MBD3: variants seen among roughly 807,000 people sequenced by gnomAD.
MBD3 encodes methyl-CpG binding domain protein 3.
MBD3 carries 13 observed loss-of-function variants against 31.2 expected under a neutral mutation model. The observed-to-expected ratio is 0.42, with a 90% confidence interval of 0.27 to 0.66. The LOEUF (loss-of-function observed/expected upper bound fraction) is 0.66. MBD3 is among the 30% of genes least tolerant of loss of function. The pLI is 0.26. For missense variants in MBD3, 440 were observed against 426.5 expected, an observed-to-expected ratio of 1.03 and a Z score of -0.28; for synonymous variants, 223 against 187.4, an observed-to-expected ratio of 1.19 and a Z score of -1.55.
Position 1,575,289 on chromosome 19 carries a change from G to A in MBD3, c.*2875C>T. ...TATTAAAAATACAAAAATTAGCTGG[G>A]CGTGGTGGCTACTCGGGAGGCTGAG... On this transcript the variant is annotated 3_prime_UTR_variant, in exon 7 of 7. Coordinates refer to ENST00000434436, the MANE Select transcript of MBD3 (RefSeq NM_001281453.2). 2.3e-6 allele frequency: 1 copy of A among 441,798 alleles called. No individual in the cohort carries two copies. The highest frequency in any genetic ancestry group is 4.6e-6 in the Non-Finnish European group (1 of 216,374). 27.4% of individuals were successfully genotyped at this position (441,798 alleles called of 1,614,324 possible). A position where few individuals can be genotyped will look rare whatever the true frequency, so the allele number is the denominator to read the frequency against.
chr19:1,588,998 G>C (rs1384131563), intron 1 of MBD3, among the ~76,000 whole-genome samples: 1 of 152,050 alleles, frequency 6.6e-6, no homozygotes, highest in African/African-American at 2.4e-5. Flanking sequence ...CACTTTAAAT[G>C]ACTGTATTGT....
intron 1 of MBD3, among the ~76,000 whole-genome samples, chr19:1,586,546 T>C (rs1303768454): frequency 6.6e-6 from 1 of 152,214 alleles, no homozygotes; most frequent in African/African-American, 2.4e-5. Context: ...GGTCTCACTC[T>C]TGCCCAGGCT....
In MBD3 at chr19:1,585,403, C is replaced by A; in HGVS notation, c.111-189G>T. 3.2e-6 allele frequency: 2 copies of A among 616,270 alleles called. No individual in the cohort carries two copies. Among genetic ancestry groups the A allele is most frequent in the South Asian group, 1.9e-5 (1 of 51,558 alleles). The allele number at this position is 616,270 out of a possible 1,614,324, so 38.2% of individuals were successfully genotyped here. A position where few individuals can be genotyped will look rare whatever the true frequency, so the allele number is the denominator to read the frequency against. ...GCCCCAGACCCCAACCCTGGCGTGA[C>A]CCCAGACCTTCATCCCAGACCCCAG... On this transcript the variant is annotated intron_variant, in intron 1 of 6. Coordinates refer to ENST00000434436, the MANE Select transcript of MBD3 (RefSeq NM_001281453.2). This position sits in a 1 kb window ranked among gnomAD's most constrained non-coding sequence, Gnocchi z 4.1.
At chr19:1,580,649 C>T (rs1264958604) in intron 5 of MBD3, among the ~76,000 whole-genome samples, 1 of 152,252 alleles carries the variant, frequency 6.6e-6, no homozygotes, top group Non-Finnish European at 1.5e-5. Flanking sequence ...CTGGGCTGCT[C>T]AGCCTCACCT....
rs546089765 is a variant in MBD3, at chr19:1,574,660, T to A, written c.*3504A>T. The A allele has an allele frequency of 3.3e-5, 5 of 153,168 alleles. No individual in the cohort carries two copies. The East Asian group carries it at 9.7e-4, about 30-fold the overall frequency. The allele number at this position is 153,168 out of a possible 1,614,324, so 9.5% of individuals were successfully genotyped here. A position where few individuals can be genotyped will look rare whatever the true frequency, so the allele number is the denominator to read the frequency against. On this transcript the variant is annotated 3_prime_UTR_variant, in exon 7 of 7. Coordinates refer to ENST00000434436, the MANE Select transcript of MBD3 (RefSeq NM_001281453.2). ...TGAATCTGGAGCGAGTGTGACAGAA[T>A]CTCACAGGCAGTGCCCAGCCACCCG...
At chr19:1,591,370 C>T (rs899778396) in intron 1 of MBD3, among the ~76,000 whole-genome samples, 4 of 152,216 alleles carry the variant, frequency 2.6e-5, no homozygotes, top group African/African-American at 9.6e-5. Flanking sequence ...CCATCCTTTC[C>T]CCGCTCACTT....
chr19:1,585,195 G>A lies in MBD3; in HGVS notation c.130C>T (p.Arg44Cys), dbSNP rs1346745423. Residue 44 changes from arginine (R) to cysteine (C), a missense_variant, in exon 2 of 7, where the codon CGC becomes TGC. Physicochemically the swap from Arg to Cys is radical, Grantham distance 180. Coordinates refer to ENST00000434436, the MANE Select transcript of MBD3 (RefSeq NM_001281453.2). The surrounding 1 kb of genome is among the most constrained non-coding windows in gnomAD (Gnocchi z 4.1). ...FYYSPSGKKF[R>C]SKPQLARYLG... ...TAGCGCGCCAGCTGCGGCTTGCTGC[G>A]GAACTTCTTCCCGCTCGGGCTGCGG... 1.2e-6 allele frequency: 2 copies of A among 1,602,670 alleles called. No individual in the cohort carries two copies. The highest frequency in any genetic ancestry group is 1.7e-6 in the Non-Finnish European group (2 of 1,178,352).
chr19:1,585,224 G>A lies in MBD3; in HGVS notation c.111-10C>T. The A allele has an allele frequency of 6.3e-7, 1 of 1,582,268 alleles. No individual in the cohort carries two copies. Among genetic ancestry groups the A allele is most frequent in the East Asian group, 2.3e-5 (1 of 43,702 alleles). ...CTTCTTCCCGCTCGGGCTGCGGGGAGGCGGGACGGTCGGCGCCCCGGGCGG... is the reference window on the plus strand; with the variant it reads ...CTTCTTCCCGCTCGGGCTGCGGGGAAGCGGGACGGTCGGCGCCCCGGGCGG... On this transcript the variant is annotated splice_polypyrimidine_tract_variant and intron_variant, in intron 1 of 6. Transcript: ENST00000434436. This position sits in a 1 kb window ranked among gnomAD's most constrained non-coding sequence, Gnocchi z 4.1.
chr19:1,584,076 C>T (rs1362354726), intron 3 of MBD3, among the ~76,000 whole-genome samples: 1 of 152,128 alleles, frequency 6.6e-6, no homozygotes, highest in African/African-American at 2.4e-5. Context: ...CCACCTGCCT[C>T]GGCCTCCCAA....
chr19:1,591,592 C>T (rs2060703896), intron 1 of MBD3, among the ~76,000 whole-genome samples: 1 of 152,202 alleles, frequency 6.6e-6, no homozygotes, highest in South Asian at 2.1e-4. Flanking sequence ...GGCAGGCGTC[C>T]TCCGCTTTCC....
In MBD3 at chr19:1,576,923, T is replaced by A. The variant is rs980047727; in HGVS notation, c.*1241A>T. The stretch of plus-strand genomic sequence containing the variant: ...GGAAGCTGCCAGCCCACTGCCTCCA[T>A]GCGGGTCCTTGGAGGGCAGACGGTG... On this transcript the variant is annotated 3_prime_UTR_variant, in exon 7 of 7. Coordinates refer to ENST00000434436, the MANE Select transcript of MBD3 (RefSeq NM_001281453.2). 4.6e-5 allele frequency: 7 copies of A among 152,444 alleles called. No homozygotes were observed. The highest frequency in any genetic ancestry group is 1.0e-4 in the Non-Finnish European group (7 of 68,108). 9.4% of individuals were successfully genotyped at this position (152,444 alleles called of 1,614,324 possible). A position where few individuals can be genotyped will look rare whatever the true frequency, so the allele number is the denominator to read the frequency against.
Position 1,578,431 on chromosome 19 carries a change from AGCG to A in MBD3, c.782_784del (p.Pro261del). ...GTCGTCCTCAGCGCAGGCCTTGTCC[AGCG>A]GCGCCTCCCCGTCACGGGCCAGCTC... is the stretch of plus-strand genomic sequence containing the variant. On this transcript the variant is annotated inframe_deletion, in exon 6 of 7. Coordinates refer to ENST00000434436, the MANE Select transcript of MBD3 (RefSeq NM_001281453.2). The surrounding 1 kb of genome is among the most constrained non-coding windows in gnomAD (Gnocchi z 6.1). 1 of 1,605,762 alleles carries A rather than the reference AGCG, an allele frequency of 6.2e-7. No homozygotes were observed. The highest frequency in any genetic ancestry group is 8.5e-7 in the Non-Finnish European group (1 of 1,179,756).
rs532173134 is a variant in MBD3 at position 1,578,405 on chromosome 19, C to T, written c.811G>A (p.Asp271Asn). Residue 271 changes from aspartate to asparagine, a missense_variant, in exon 6 of 7, where the codon GAC (aspartate) becomes AAC (asparagine). By Grantham distance (23) the Asp-to-Asn change is conservative. Transcript: ENST00000434436. This position sits in a 1 kb window ranked among gnomAD's most constrained non-coding sequence, Gnocchi z 6.1. ...TCCTCCTCCTCCTCGTCTTCCTCGT[C>T]GTCGTCCTCAGCGCAGGCCTTGTCC... Reference protein sequence around the residue: ...PLDKACAEDDDEEDEEEEEEE... With the variant: ...PLDKACAEDDNEEDEEEEEEE... 14 of 1,604,698 alleles carry T rather than the reference C, an allele frequency of 8.7e-6. No individual in the cohort carries two copies. The highest frequency in any genetic ancestry group is 4.4e-5 in the South Asian group (4 of 91,064).
chr19:1,581,977 C>G (rs532645308), intron 4 of MBD3, among the ~76,000 whole-genome samples: 3 of 152,104 alleles, frequency 2.0e-5, no homozygotes, highest in Non-Finnish European at 2.9e-5. Flanking sequence ...CCATGTTAGC[C>G]AGGATGATCT....
intron 1 of MBD3, among the ~76,000 whole-genome samples, chr19:1,589,481 C>T (rs371863492): frequency 3.3e-5 from 5 of 151,764 alleles, no homozygotes; most frequent in South Asian, 2.1e-4. Flanking sequence ...GGTGAAACCC[C>T]GTCTCTATTA....
At chr19:1,584,109 G>A (rs1482404281) in intron 3 of MBD3, among the ~76,000 whole-genome samples, 4 of 152,168 alleles carry the variant, frequency 2.6e-5, no homozygotes, top group African/African-American at 4.8e-5. Flanking sequence ...ACAGGCGTGA[G>A]TCACCGCGTG....
chr19:1,586,050 A>T (rs1254478750), intron 1 of MBD3: 1 of 152,254 alleles, frequency 6.6e-6, no homozygotes, highest in Non-Finnish European at 1.5e-5. Context: ...ACCCAACCCA[A>T]CACACCGTCA....
chr19:1,582,833 T>A, intron 3 of MBD3, 121 bp from the exon 4 acceptor site: 1 of 799,956 alleles, frequency 1.3e-6, no homozygotes, highest in Non-Finnish European at 2.1e-6. Flanking sequence ...CAATGGGGCA[T>A]CTCCCCTCCC....
intron 1 of MBD3, among the ~76,000 whole-genome samples, chr19:1,591,020 C>G (rs1451339145): frequency 6.6e-6 from 1 of 152,230 alleles, no homozygotes; most frequent in Non-Finnish European, 1.5e-5. Context: ...GGGGTGATGA[C>G]AGCCTCAGGA....
Sources: gnomAD v4.1 joint callset for allele counts (sites outside exome capture counted in the v4.1 genomes callset) on GRCh38, gnomAD v4.1.1 for gene constraint, Gnocchi (gnomAD v3.1) non-coding constraint, MANE v1.5 for transcripts, NCBI Gene and HGNC (gene_info 2026-07-23, HGNC 2026-07-21) for gene names.